The following SPAG16 variants were observed in gnomAD, a reference collection of about 807,000 sequenced individuals.
The protein encoded by SPAG16 is sperm associated antigen 16, also known as sperm-associated antigen 16 protein.
SPAG16 carries 86 observed loss-of-function variants against 80.4 expected under a neutral mutation model. The ratio of observed to expected loss-of-function variants is 1.07; its 90% CI spans 0.90 to 1.28. The LOEUF is 1.28. Among genes scored for constraint, SPAG16 ranks in the 50% most tolerant of loss-of-function variants. The probability of loss-of-function intolerance (pLI) is 0.00; values close to 1 mark genes in which losing one functional copy is unlikely to be tolerated. For missense variants in SPAG16, 870 were observed against 765.3 expected, an observed-to-expected ratio of 1.14 and a Z score of -1.61; for synonymous variants, 294 against 265.9, an observed-to-expected ratio of 1.11 and a Z score of -1.03.
intron 10 of SPAG16, among the ~76,000 whole-genome samples, chr2:213,781,182 T>G (rs923483846): frequency 6.6e-6 from 1 of 152,324 alleles, no homozygotes; most frequent in African/African-American, 2.4e-5. Flanking sequence ...TCCATCTTCA[T>G]AGTTCCTACC....
chr2:213,809,104 T>C (rs1054794987), intron 10 of SPAG16, among the ~76,000 whole-genome samples: 1 of 152,186 alleles, frequency 6.6e-6, no homozygotes, highest in Non-Finnish European at 1.5e-5. Context: ...GGTGAAAGAA[T>C]ACCTCACCTC....
At chr2:214,288,148 C>T (rs1693506125) in intron 15 of SPAG16, among the ~76,000 whole-genome samples, 1 of 150,434 alleles carries the variant, frequency 6.6e-6, no homozygotes, top group Non-Finnish European at 1.5e-5. Context: ...TTTTTTAGCT[C>T]CCACGTATGC....
chr2:214,057,546 A>G (rs2050010456), intron 13 of SPAG16, among the ~76,000 whole-genome samples: 2 of 152,122 alleles, frequency 1.3e-5, no homozygotes, highest in Admixed American at 6.6e-5. Context: ...TATTTAGCAT[A>G]ATTTTCAAAG....
At chr2:213,623,817 T>G (rs549356357) in intron 10 of SPAG16, among the ~76,000 whole-genome samples, 5 of 152,200 alleles carry the variant, frequency 3.3e-5, no homozygotes, top group Admixed American at 2.6e-4. Flanking sequence ...CAATGAATCC[T>G]CCTTTATTTT....
At chr2:214,059,552 G>A (rs978701416) in intron 13 of SPAG16, among the ~76,000 whole-genome samples, 6 of 151,742 alleles carry the variant, frequency 4.0e-5, no homozygotes, top group African/African-American at 1.4e-4. Flanking sequence ...TTAAATTCCA[G>A]TGTTTTATTT....
chr2:214,166,787 C>T (rs533171881), intron 15 of SPAG16, among the ~76,000 whole-genome samples: 2 of 151,964 alleles, frequency 1.3e-5, no homozygotes, highest in Admixed American at 6.6e-5. Context: ...GCCTTTTGTT[C>T]TAAATTTTCT....
chr2:214,112,798 A>T (rs773018054), intron 14 of SPAG16, among the ~76,000 whole-genome samples: 9 of 152,026 alleles, frequency 5.9e-5, no homozygotes, highest in African/African-American at 9.7e-5. Flanking sequence ...GTCTCTTTTA[A>T]TTGGGGCATA....
At chr2:213,355,504 T>C (rs1327603642) in intron 7 of SPAG16, among the ~76,000 whole-genome samples, 2 of 152,232 alleles carry the variant, frequency 1.3e-5, no homozygotes, top group Non-Finnish European at 2.9e-5. Context: ...GAGCATGGAA[T>C]GTTCTTCCAT....
At chr2:213,475,693 A>T (rs750338101) in intron 9 of SPAG16, among the ~76,000 whole-genome samples, 1 of 152,124 alleles carries the variant, frequency 6.6e-6, no homozygotes, top group Non-Finnish European at 1.5e-5. Context: ...TCTGTTGTTG[A>T]CTTCCTCTGG....
chr2:213,641,512 C>T (rs564347686), intron 10 of SPAG16, among the ~76,000 whole-genome samples: 1 of 152,216 alleles, frequency 6.6e-6, no homozygotes, highest in Non-Finnish European at 1.5e-5. Context: ...GCCTTCTTCT[C>T]CCTGTGGCCC....
intron 9 of SPAG16, among the ~76,000 whole-genome samples, chr2:213,468,467 GTATTTATATATAGATATATATATGTATT>G (rs2072851206): frequency 2.6e-5 from 3 of 115,742 alleles, no homozygotes; most frequent in African/African-American, 1.4e-4. Flanking sequence ...ATATCTCTAT[GTATTTATATATAGATATATATATGTATT>G]TATATATAGA....
At chr2:213,451,685 G>T (rs2071699071) in intron 9 of SPAG16, among the ~76,000 whole-genome samples, 1 of 152,146 alleles carries the variant, frequency 6.6e-6, no homozygotes, top group Admixed American at 6.5e-5. Context: ...AAATGTCAGG[G>T]TTTATATAAA....
At chr2:213,459,606 G>A (rs2072242351) in intron 9 of SPAG16, among the ~76,000 whole-genome samples, 1 of 152,168 alleles carries the variant, frequency 6.6e-6, no homozygotes. Flanking sequence ...TTCTTGGAAG[G>A]TCTTCAGCTT....
intron 14 of SPAG16, among the ~76,000 whole-genome samples, chr2:214,140,229 A>T (rs2055279639): frequency 6.6e-6 from 1 of 150,586 alleles, no homozygotes; most frequent in Non-Finnish European, 1.5e-5. Context: ...TTTGTTTGTC[A>T]CCAGTTCCAA....
rs1491308938 is a variant in SPAG16, at chr2:213,387,429, C to CTTTTTTTTTTTTTTTTT, written c.942+12311_942+12312insTTTTTTTTTTTTTTTTT. Among the ~76,000 whole-genome samples the CTTTTTTTTTTTTTTTTT allele has an allele frequency of 1.7e-4, 12 of 71,760 alleles. 1 individual carries two copies. Among genetic ancestry groups the CTTTTTTTTTTTTTTTTT allele is most frequent in the Non-Finnish European group, 2.4e-4 (10 of 41,902 alleles). The allele number at this position is 71,760 out of a possible 152,430, so 47.1% of individuals were successfully genotyped here. ...TTTTTGGGTTGGAATGAAATGCATG[C>CTTTTTTTTTTTTTTTTT]TCTTTTTTTTTTTTTTTTTTTTTTT... On this transcript the variant is annotated intron_variant, in intron 9 of 15. Transcript: ENST00000331683.
chr2:213,374,075 C>T (rs188309381), intron 8 of SPAG16, among the ~76,000 whole-genome samples: 61 of 152,242 alleles, frequency 4.0e-4, no homozygotes, highest in African/African-American at 1.4e-3. Context: ...CTCTCAAGTA[C>T]TTTCATGTAA....
intron 13 of SPAG16, among the ~76,000 whole-genome samples, chr2:214,099,069 T>A (rs996118853): frequency 4.6e-5 from 7 of 152,120 alleles, no homozygotes. Flanking sequence ...TTGTCATTGA[T>A]TAATTAGATA....
chr2:213,645,700 C>G (rs1395924130), intron 10 of SPAG16, among the ~76,000 whole-genome samples: 2 of 152,128 alleles, frequency 1.3e-5, no homozygotes, highest in Admixed American at 1.3e-4. Context: ...GCTGGAAGCT[C>G]TGCAACTTGG....
At chr2:213,391,637 C>T (rs1036911147) in intron 9 of SPAG16, among the ~76,000 whole-genome samples, 2 of 152,106 alleles carry the variant, frequency 1.3e-5, no homozygotes, top group Admixed American at 1.3e-4. Flanking sequence ...AGGATTTAGA[C>T]TCAAGTAATT....
Sources: allele counts gnomAD v4.1 joint callset (sites outside exome capture counted in the v4.1 genomes callset), GRCh38; gene constraint gnomAD v4.1.1; transcripts MANE v1.5; gene names NCBI Gene and HGNC (gene_info 2026-07-23, HGNC 2026-07-21).